JAKMIP3: variants seen among roughly 807,000 people sequenced by gnomAD.
JAKMIP3 encodes the protein janus kinase and microtubule-interacting protein 3.
Under a neutral mutation model 118.5 loss-of-function variants are expected in JAKMIP3, and 58 were observed. That is an observed-to-expected ratio of 0.49 (90% CI 0.40 to 0.61). JAKMIP3 has a LOEUF of 0.61. Among genes scored for constraint, JAKMIP3 ranks in the 20% least tolerant of loss-of-function variants. The pLI is 0.00. For synonymous variants in JAKMIP3, 486 were observed against 451.2 expected (o/e 1.08, Z -0.98); for missense variants, 950 against 1,109.0 (o/e 0.86, Z 2.04).
intron 17 of JAKMIP3, among the ~76,000 whole-genome samples, chr10:132,153,242 A>G (rs1257669761): frequency 1.3e-5 from 2 of 152,174 alleles, no homozygotes; most frequent in Admixed American, 6.5e-5. Flanking sequence ...TTGCTCTGTC[A>G]CCAACCCTGT....
chr10:132,063,940 C>A (rs1055263800), upstream of JAKMIP3, among the ~76,000 whole-genome samples: 4 of 152,168 alleles, frequency 2.6e-5, no homozygotes, highest in Non-Finnish European at 5.9e-5. Flanking sequence ...TTTTTAAAAA[C>A]AAATAATGTG....
At chr10:132,125,548 T>G (rs2814188) in intron 3 of JAKMIP3, among the ~76,000 whole-genome samples, 122,964 of 152,210 alleles carry the variant, frequency 0.81, 50,044 homozygotes, top group East Asian at 0.99. Context: ...TGTTACCGCT[T>G]TTCTGTATGA....
rs1253012460 is a variant in JAKMIP3, at chr10:132,180,596, T to TGC, written c.*1104-1759_*1104-1758dup. Reference sequence around the variant, plus strand: ...GTGTGTGTGCGTGCGCGTGTGTGTGTGCGTGCGCGTGTGTGTGTGCGTGTG... The same window carrying TGC: ...GTGTGTGTGCGTGCGCGTGTGTGTGTGCGCGTGCGCGTGTGTGTGTGCGTGTG... On this transcript the variant is annotated intron_variant, in intron 23 of 23. Transcript: ENST00000684848. Among the ~76,000 whole-genome samples the TGC allele has an allele frequency of 1.4e-3, 35 of 24,358 alleles. 12 individuals are homozygous for TGC. Among genetic ancestry groups the TGC allele is most frequent in the East Asian group, 3.3e-3 (2 of 614 alleles). The allele number at this position is 24,358 out of a possible 152,430, so 16.0% of individuals were successfully genotyped here. A position where few individuals can be genotyped will look rare whatever the true frequency, so the allele number is the denominator to read the frequency against.
At chr10:132,088,463 G>C (rs2042684626) in intron 1 of JAKMIP3, among the ~76,000 whole-genome samples, 2 of 152,226 alleles carry the variant, frequency 1.3e-5, no homozygotes, top group Admixed American at 6.5e-5. Context: ...GGCCAGTGAT[G>C]ATGAGCATTT....
chr10:132,108,775 G>A (rs937730249), intron 2 of JAKMIP3, among the ~76,000 whole-genome samples: 2 of 151,850 alleles, frequency 1.3e-5, no homozygotes, highest in East Asian at 1.9e-4. Flanking sequence ...GGCTGAGGCG[G>A]GAGAATCGCT....
chr10:132,130,475 C>A (rs1440979408), intron 3 of JAKMIP3, among the ~76,000 whole-genome samples: 1 of 152,198 alleles, frequency 6.6e-6, no homozygotes, highest in African/African-American at 2.4e-5. Flanking sequence ...GGAGGGAGGG[C>A]CCCCCTGAGG....
At chr10:132,090,070 T>C (rs1469935993) in intron 1 of JAKMIP3, among the ~76,000 whole-genome samples, 2 of 152,208 alleles carry the variant, frequency 1.3e-5, no homozygotes, top group Non-Finnish European at 1.5e-5. Flanking sequence ...CACTTGATCA[T>C]GGTGGATAAG....
At chr10:132,080,245 G>A (rs1018075249) in intron 1 of JAKMIP3, among the ~76,000 whole-genome samples, 22 of 152,240 alleles carry the variant, frequency 1.4e-4, no homozygotes, top group South Asian at 4.1e-4. Context: ...CATTTCTGCC[G>A]ACAGTGTACC....
rs61184038 is a variant in JAKMIP3 at position 132,100,211 on chromosome 10, C to A, written c.-137-4461C>A. ...CAGACCCCCACACAGGTCCCTCAGA[C>A]CCGCTCCCACCCCGTTGGAGAACTG... On this transcript the variant is annotated intron_variant, in intron 1 of 23. Coordinates refer to ENST00000684848, the MANE Select transcript of JAKMIP3 (RefSeq NM_001323087.2). Among the ~76,000 whole-genome samples, 688 of 152,318 alleles carry A rather than the reference C, an allele frequency of 4.5e-3. 3 individuals are homozygous for A. Among genetic ancestry groups the A allele is most frequent in the African/African-American group, 0.015 (620 of 41,580 alleles).
Position 132,150,946 on chromosome 10 carries a change from C to T in JAKMIP3, c.2007+905C>T, listed in dbSNP as rs755850969. Among the ~76,000 whole-genome samples the T allele has an allele frequency of 1.1e-3, 161 of 151,982 alleles. 1 individual carries two copies. The highest frequency in any genetic ancestry group is 2.1e-3 in the Non-Finnish European group (142 of 67,994). On this transcript the variant is annotated intron_variant, in intron 16 of 23. Coordinates refer to ENST00000684848, the MANE Select transcript of JAKMIP3 (RefSeq NM_001323087.2). ...ATCATCCACAATCTGTCCATCCATC[C>T]TCCATCTATCTATCATCCATCATCC...
chr10:132,106,779 C>T (rs1445143423), intron 2 of JAKMIP3, among the ~76,000 whole-genome samples: 2 of 152,262 alleles, frequency 1.3e-5, no homozygotes, highest in Non-Finnish European at 2.9e-5. Context: ...GAGCCTCAGA[C>T]ATGGCTGTCG....
rs1354135204 is a variant in JAKMIP3 at position 132,145,532 on chromosome 10, T to C, written c.1701T>C (p.Ile567=). 1.3e-6 allele frequency: 2 copies of C among 1,561,666 alleles called. No homozygotes were observed. The highest frequency in any genetic ancestry group is 1.2e-5 in the South Asian group (1 of 84,528). ...CCATTTGCAAGGATATGAAGTGGAT[T>C]GAAGAGAAGCAGGCACTGTACCGGA... ...LAEQGQDMKW[I]EEKQALYRRN... is the part of the protein sequence containing the mutation. Residue 567 remains isoleucine, a synonymous_variant, in exon 13 of 24, where the codon ATT becomes ATC. Transcript: ENST00000684848.
At chr10:132,038,807 AAAAC>A (rs2037607574) in intron 1 of JAKMIP3, among the ~76,000 whole-genome samples, 3 of 148,070 alleles carry the variant, frequency 2.0e-5, no homozygotes, top group Non-Finnish European at 4.5e-5. Context: ...AAAAAAAAAA[AAAAC>A]CATCATAAAC....
chr10:132,088,998 G>C (rs1377890296), intron 1 of JAKMIP3, among the ~76,000 whole-genome samples: 1 of 152,146 alleles, frequency 6.6e-6, no homozygotes, highest in Non-Finnish European at 1.5e-5. Context: ...TGTCAGGTTT[G>C]TCAAAGATCA....
intron 1 of JAKMIP3, among the ~76,000 whole-genome samples, chr10:132,094,036 C>G (rs2043492047): frequency 6.7e-6 from 1 of 148,542 alleles, no homozygotes; most frequent in Non-Finnish European, 1.5e-5. Flanking sequence ...CTCCCAGGTT[C>G]AAGCAATTCT....
intron 1 of JAKMIP3, among the ~76,000 whole-genome samples, chr10:132,039,508 T>C (rs1012712584): frequency 6.6e-6 from 1 of 152,120 alleles, no homozygotes; most frequent in African/African-American, 2.4e-5. Flanking sequence ...GCGTGGTCCC[T>C]GCAAGGCTGA....
chr10:132,070,529 CT>C, intron 1 of JAKMIP3, among the ~76,000 whole-genome samples: 1 of 152,288 alleles, frequency 6.6e-6, no homozygotes, highest in African/African-American at 2.4e-5. Flanking sequence ...CATGCGTGAT[CT>C]TTGCTGTGTG....
intron 1 of JAKMIP3, among the ~76,000 whole-genome samples, chr10:132,075,638 G>A (rs2040673801): frequency 6.6e-6 from 1 of 152,006 alleles, no homozygotes; most frequent in African/African-American, 2.4e-5. Flanking sequence ...TCAAACTACT[G>A]ACCTCAGGTG....
intron 1 of JAKMIP3, among the ~76,000 whole-genome samples, chr10:132,069,250 C>A (rs1451741357): frequency 6.6e-6 from 1 of 152,152 alleles, no homozygotes. Flanking sequence ...AGCACCCAGC[C>A]AGGGGTGGGA....
Sources: allele counts gnomAD v4.1 joint callset (sites outside exome capture counted in the v4.1 genomes callset), GRCh38; gene constraint gnomAD v4.1.1; transcripts MANE v1.5; gene names NCBI Gene and HGNC (gene_info 2026-07-23, HGNC 2026-07-21).